Variants in PLCB1 observed in about 807,000 individuals in gnomAD.
PLCB1 encodes the protein 1-phosphatidylinositol 4,5-bisphosphate phosphodiesterase beta-1.
A neutral mutation model predicts 161.8 loss-of-function variants in PLCB1; 46 were observed. That is an observed-to-expected ratio of 0.28 (90% CI 0.22 to 0.36). The LOEUF is 0.36. PLCB1 is among the 10% of genes least tolerant of loss of function. PLCB1 has a pLI of 1.00. For synonymous variants in PLCB1, 517 were observed against 503.7 expected (o/e 1.03, Z -0.35); for missense variants, 1,016 against 1,472.5 (o/e 0.69, Z 5.07).
intron 31 of PLCB1, among the ~76,000 whole-genome samples, chr20:8,799,118 C>A (rs139022104): frequency 1.6e-4 from 24 of 152,272 alleles, no homozygotes; most frequent in African/African-American, 5.5e-4. Context: ...ATTCCTCCCC[C>A]TTTTCTTTAC....
intron 3 of PLCB1, among the ~76,000 whole-genome samples, chr20:8,390,952 T>C (rs1237041480): frequency 6.6e-6 from 1 of 151,598 alleles, no homozygotes; most frequent in Admixed American, 6.6e-5. Flanking sequence ...AAGGACTAAA[T>C]GACAAAATGC....
intron 31 of PLCB1, among the ~76,000 whole-genome samples, chr20:8,834,564 C>T (rs1302573856): frequency 3.3e-5 from 5 of 152,098 alleles, no homozygotes; most frequent in African/African-American, 1.2e-4. Context: ...CCTGTAATCC[C>T]AGCACTTCAG....
intron 21 of PLCB1, 35 bp downstream of exon 21, chr20:8,739,395 G>C (rs765164685): frequency 1.6e-5 from 21 of 1,301,748 alleles, no homozygotes; most frequent in Non-Finnish European, 1.3e-5. Context: ...TTTTATCAAA[G>C]TTGCAAAGAA....
At chr20:8,363,895 G>T (rs559632848) in intron 2 of PLCB1, among the ~76,000 whole-genome samples, 44 of 152,266 alleles carry the variant, frequency 2.9e-4, no homozygotes, top group African/African-American at 1.0e-3. Flanking sequence ...CAGTATTATT[G>T]CAAAGACTAA....
chr20:8,505,639 C>T (rs1004661853), intron 3 of PLCB1, among the ~76,000 whole-genome samples: 1 of 152,146 alleles, frequency 6.6e-6, no homozygotes, highest in African/African-American at 2.4e-5. Context: ...TTTTGCTAGA[C>T]GTGTTTGGAC....
At position 8,406,672 on chromosome 20, in the gene PLCB1, A is replaced by G. The variant is rs147543968; in HGVS notation, c.246+35222A>G. Among the ~76,000 whole-genome samples the G allele has an allele frequency of 6.7e-4, 102 of 152,332 alleles. 2 individuals carry two copies. The East Asian group carries it at 0.019, about 28-fold the overall frequency. On this transcript the variant is annotated intron_variant, in intron 3 of 31. Coordinates refer to ENST00000338037, the MANE Select transcript of PLCB1 (RefSeq NM_015192.4). ...GAGCAGAGAGCCCTTTTCATAAAGA[A>G]AATTCATTGAAGAAGCACTAGAAAA...
At chr20:8,804,847 C>T (rs770933283) in intron 31 of PLCB1, among the ~76,000 whole-genome samples, 18 of 151,728 alleles carry the variant, frequency 1.2e-4, no homozygotes, top group Non-Finnish European at 1.9e-4. Flanking sequence ...AAAAATTAGC[C>T]GGGCGTGGTG....
chr20:8,738,233 T>C (rs973372789), intron 20 of PLCB1, among the ~76,000 whole-genome samples: 4 of 152,246 alleles, frequency 2.6e-5, no homozygotes, highest in Non-Finnish European at 5.9e-5. Context: ...ACTTTGAAGA[T>C]GCAAAAGTCA....
chr20:8,400,296 C>A (rs1043834503), intron 3 of PLCB1, among the ~76,000 whole-genome samples: 3 of 152,058 alleles, frequency 2.0e-5, no homozygotes, highest in African/African-American at 7.2e-5. Flanking sequence ...ACTGTCTGAG[C>A]CTGTGTATTC....
chr20:8,756,059 A>T (rs1981719670), intron 23 of PLCB1, among the ~76,000 whole-genome samples: 1 of 152,146 alleles, frequency 6.6e-6, no homozygotes, highest in Admixed American at 6.5e-5. Context: ...TCTTTATGAC[A>T]TTCCCTGGCT....
chr20:8,847,799 A>C (rs552846030), intron 31 of PLCB1, among the ~76,000 whole-genome samples: 22 of 152,362 alleles, frequency 1.4e-4, no homozygotes, highest in Admixed American at 1.1e-3. Context: ...CAGTTTATCA[A>C]GAAGGATACA....
In PLCB1 at chr20:8,181,139, C is replaced by T. The variant is rs2051838041; in HGVS notation, c.177+30768C>T. Among the ~76,000 whole-genome samples, 5 of 151,114 alleles carry T rather than the reference C, an allele frequency of 3.3e-5. No individual in the cohort carries two copies. The South Asian group carries it at 1.0e-3, about 32-fold the overall frequency. Reference sequence around the variant, plus strand: ...GGTGGCATGCCTGTAATCCCAGCTACTCGGGAGGCTGAGGCAGGAGAATTG... The same window carrying T: ...GGTGGCATGCCTGTAATCCCAGCTATTCGGGAGGCTGAGGCAGGAGAATTG... On this transcript the variant is annotated intron_variant, in intron 2 of 31. Coordinates refer to ENST00000338037, the MANE Select transcript of PLCB1 (RefSeq NM_015192.4).
rs376821037 is a variant in PLCB1, at chr20:8,267,036, T to TAA, written c.178-104334_178-104333dup. Among the ~76,000 whole-genome samples the TAA allele has an allele frequency of 2.4e-3, 297 of 126,248 alleles. 1 individual carries two copies. Among genetic ancestry groups the TAA allele is most frequent in the African/African-American group, 8.0e-3 (267 of 33,534 alleles). 82.8% of individuals were successfully genotyped at this position (126,248 alleles called of 152,430 possible). The stretch of plus-strand genomic sequence containing the variant: ...TGGGCAACGAGAGCGAGACTTCGTC[T>TAA]AAAAAAAAAAAAAGGGAAAAAAAAA... On this transcript the variant is annotated intron_variant, in intron 2 of 31. Coordinates refer to ENST00000338037, the MANE Select transcript of PLCB1 (RefSeq NM_015192.4).
chr20:8,157,576 C>A (rs982251936), intron 2 of PLCB1, among the ~76,000 whole-genome samples: 1 of 152,160 alleles, frequency 6.6e-6, no homozygotes, highest in Admixed American at 6.5e-5. Flanking sequence ...TGTGACTCCT[C>A]AGAGATTTTG....
chr20:8,878,588 C>T (rs962975225), intron 31 of PLCB1, among the ~76,000 whole-genome samples: 5 of 152,072 alleles, frequency 3.3e-5, no homozygotes, highest in Admixed American at 6.5e-5. Context: ...GTTTCCTCCT[C>T]GGCTTATAAG....
intron 31 of PLCB1, among the ~76,000 whole-genome samples, chr20:8,804,888 G>A (rs1240448055): frequency 6.6e-6 from 1 of 151,598 alleles, no homozygotes; most frequent in South Asian, 2.1e-4. Context: ...CTACTCAGGA[G>A]GCTGAGGCTG....
At chr20:8,770,253 A>C (rs927762413) in intron 26 of PLCB1, among the ~76,000 whole-genome samples, 1 of 152,198 alleles carries the variant, frequency 6.6e-6, no homozygotes, top group Non-Finnish European at 1.5e-5. Flanking sequence ...CGCCCAGCCA[A>C]AATCATCATT....
chr20:8,444,498 G>A (rs1241713611), intron 3 of PLCB1, among the ~76,000 whole-genome samples: 11 of 152,068 alleles, frequency 7.2e-5, no homozygotes, highest in Non-Finnish European at 1.2e-4. Context: ...GAATAGTGCC[G>A]CAATAAACAT....
chr20:8,386,677 T>A (rs1987434229), intron 3 of PLCB1, among the ~76,000 whole-genome samples: 1 of 152,212 alleles, frequency 6.6e-6, no homozygotes, highest in Non-Finnish European at 1.5e-5. Flanking sequence ...AGCTTTGAAG[T>A]CAGGCATTGA....
Sources: allele counts gnomAD v4.1 joint callset (sites outside exome capture counted in the v4.1 genomes callset), GRCh38; gene constraint gnomAD v4.1.1; transcripts MANE v1.5; gene names NCBI Gene and HGNC (gene_info 2026-07-23, HGNC 2026-07-21).